CHSY1: variants seen among roughly 807,000 people sequenced by gnomAD.
The protein encoded by CHSY1 is chondroitin sulfate synthase 1.
Under a neutral mutation model 59.8 loss-of-function variants are expected in CHSY1, and 13 were observed. That is an observed-to-expected ratio of 0.22 (90% confidence interval 0.14 to 0.35). CHSY1 has a LOEUF of 0.35. Ranked by LOEUF, CHSY1 falls within the 10% of genes least tolerant of loss-of-function variation. CHSY1 has a pLI of 1.00. For synonymous variants in CHSY1, 459 were observed against 401.2 expected (o/e 1.14, Z -1.72); for missense variants, 947 against 1,030.6 (o/e 0.92, Z 1.11).
chr15:101,216,814 A>G (rs978760214), intron 2 of CHSY1, among the ~76,000 whole-genome samples: 2 of 152,248 alleles, frequency 1.3e-5, no homozygotes, highest in African/African-American at 4.8e-5. Flanking sequence ...TGGTGGACAC[A>G]TAACACTGCA....
At chr15:101,205,893 A>G (rs547568405) in intron 2 of CHSY1, among the ~76,000 whole-genome samples, 7 of 152,042 alleles carry the variant, frequency 4.6e-5, no homozygotes, top group Non-Finnish European at 8.8e-5. Context: ...CGGAGCTTGC[A>G]GTGAGCCGAG....
chr15:101,206,721 G>T (rs1051416749), intron 2 of CHSY1, among the ~76,000 whole-genome samples: 2 of 152,326 alleles, frequency 1.3e-5, no homozygotes, highest in Admixed American at 1.3e-4. Flanking sequence ...ATGTAGGTTT[G>T]TCATTTTATT....
At chr15:101,191,052 A>G (rs989121159) in intron 2 of CHSY1, among the ~76,000 whole-genome samples, 1 of 152,194 alleles carries the variant, frequency 6.6e-6, no homozygotes, top group Admixed American at 6.5e-5. Flanking sequence ...AGGATCCAAC[A>G]AGTGAGCTCC....
At chr15:101,235,709 TC>T (rs2038934651) in intron 1 of CHSY1, 132 bp from the exon 2 acceptor site, 2 of 977,030 alleles carry the variant, frequency 2.0e-6, no homozygotes, top group Non-Finnish European at 1.5e-6. Context: ...GCTTGGTTCC[TC>T]TTAACGAAAG....
intron 2 of CHSY1, among the ~76,000 whole-genome samples, chr15:101,212,745 G>A (rs747386921): frequency 1.3e-5 from 2 of 152,120 alleles, no homozygotes; most frequent in Non-Finnish European, 2.9e-5. Context: ...GCATTTTGTT[G>A]AATATAAACA....
intron 2 of CHSY1, among the ~76,000 whole-genome samples, chr15:101,184,854 G>A (rs545053081): frequency 3.9e-5 from 6 of 152,202 alleles, no homozygotes; most frequent in African/African-American, 7.2e-5. Flanking sequence ...ATGTTGCTAC[G>A]GTATATAAAC....
In CHSY1 at chr15:101,177,312, C is replaced by A. The variant is rs1214628533; in HGVS notation, c.*76G>T. The A allele has an allele frequency of 2.7e-6, 4 of 1,458,790 alleles. No individual in the cohort carries two copies. The African/African-American group carries it at 5.8e-5, about 21-fold the overall frequency. The allele number at this position is 1,458,790 out of a possible 1,614,324, so 90.4% of individuals were successfully genotyped here. A position where few individuals can be genotyped will look rare whatever the true frequency, so the allele number is the denominator to read the frequency against. ...AAAATATATCCTTGTATACGGACTT[C>A]AAAAACTGATCATACAAAAAATTTT... On this transcript the variant is annotated 3_prime_UTR_variant, in exon 3 of 3. Transcript: ENST00000254190.
intron 2 of CHSY1, among the ~76,000 whole-genome samples, chr15:101,228,378 C>G (rs1160968868): frequency 6.6e-6 from 1 of 152,044 alleles, no homozygotes; most frequent in Non-Finnish European, 1.5e-5. Context: ...CCAAGAGACA[C>G]AACAAACTCC....
chr15:101,212,940 T>C (rs1197848796), intron 2 of CHSY1, among the ~76,000 whole-genome samples: 1 of 152,178 alleles, frequency 6.6e-6, no homozygotes, highest in Admixed American at 6.5e-5. Flanking sequence ...GTGGTAAGTA[T>C]ATAAATACTG....
intron 2 of CHSY1, among the ~76,000 whole-genome samples, chr15:101,181,469 C>T (rs550462193): frequency 3.9e-5 from 6 of 152,336 alleles, no homozygotes; most frequent in African/African-American, 1.4e-4. Flanking sequence ...TTAATTTGGC[C>T]TTACAAGCTG....
At chr15:101,240,401 G>A (rs575019441) in intron 1 of CHSY1, among the ~76,000 whole-genome samples, 17 of 152,298 alleles carry the variant, frequency 1.1e-4, no homozygotes, top group African/African-American at 3.1e-4. Context: ...ATAAGCAAAC[G>A]TCAGCTTTGC....
At chr15:101,195,409 T>C (rs1306447413) in intron 2 of CHSY1, among the ~76,000 whole-genome samples, 1 of 152,152 alleles carries the variant, frequency 6.6e-6, no homozygotes, top group Non-Finnish European at 1.5e-5. Context: ...AAAAGAGACA[T>C]GAAAATTATA....
At chr15:101,247,007 G>A (rs771672842) in intron 1 of CHSY1, among the ~76,000 whole-genome samples, 21 of 152,138 alleles carry the variant, frequency 1.4e-4, no homozygotes, top group South Asian at 4.1e-4. Flanking sequence ...ATTTTAAAGC[G>A]AAATTACCTA....
Position 101,176,244 on chromosome 15 carries a change from T to C in CHSY1, c.*1144A>G. 1 of 398,438 alleles carries C rather than the reference T, an allele frequency of 2.5e-6. No individual in the cohort carries two copies. The highest frequency in any genetic ancestry group is 2.1e-5 in the African/African-American group (1 of 48,694). 24.7% of individuals were successfully genotyped at this position (398,438 alleles called of 1,614,324 possible). ...ACAGATATTAAATAAATTAAAGGTA[T>C]TTCAGATACAAAGGATAAAACAAAA... On this transcript the variant is annotated 3_prime_UTR_variant, in exon 3 of 3. Transcript: ENST00000254190.
intron 2 of CHSY1, among the ~76,000 whole-genome samples, chr15:101,221,872 T>C (rs568136346): frequency 1.1e-4 from 16 of 142,198 alleles, no homozygotes; most frequent in Non-Finnish European, 2.0e-4. Flanking sequence ...TCCAAGAAAA[T>C]AGCTTTGTAC....
chr15:101,178,391 C>T lies in CHSY1; in HGVS notation c.1406G>A (p.Arg469Lys). The T allele has an allele frequency of 1.2e-6, 2 of 1,611,516 alleles. No homozygotes were observed. Among genetic ancestry groups the T allele is most frequent in the South Asian group, 2.2e-5 (2 of 91,056 alleles). Residue 469 changes from arginine (R) to lysine (K), a missense_variant, in exon 3 of 3, where the codon AGG (arginine) becomes AAG (lysine). Around this residue, in one of 4 missense-constraint regions of CHSY1, gnomAD observed 602 missense variants for 676.9 expected, o/e 0.89. Transcript: ENST00000254190. ...KGKKMTVPVR[R>K]HAYLQQTFSK... Reference sequence around the variant, plus strand: ...GAAAGTCTGCTGTAAATACGCGTGCCTCCTCACAGGGACCGTCATTTTCTT... The same window carrying T: ...GAAAGTCTGCTGTAAATACGCGTGCTTCCTCACAGGGACCGTCATTTTCTT...
rs139963248 is a variant in CHSY1 at position 101,249,841 on chromosome 15, G to A, written c.320+1296C>T. ...GCATTAGTCTGTATTTACAATACCTGCATTCTAAGCTTTTCAAGCCACTCA... is the reference window on the plus strand; with the variant it reads ...GCATTAGTCTGTATTTACAATACCTACATTCTAAGCTTTTCAAGCCACTCA... On this transcript the variant is annotated intron_variant, in intron 1 of 2. Coordinates refer to ENST00000254190, the MANE Select transcript of CHSY1 (RefSeq NM_014918.5). Among the ~76,000 whole-genome samples the A allele has an allele frequency of 3.6e-3, 547 of 152,314 alleles. 2 individuals are homozygous for A. The highest frequency in any genetic ancestry group is 0.013 in the African/African-American group (525 of 41,560).
chr15:101,246,351 T>C, intron 1 of CHSY1, among the ~76,000 whole-genome samples: 1 of 83,196 alleles, frequency 1.2e-5, no homozygotes, highest in Non-Finnish European at 2.2e-5. Context: ...GCAAAATACG[T>C]GTGGCTTTTT....
intron 1 of CHSY1, among the ~76,000 whole-genome samples, chr15:101,250,609 A>C (rs1169713069): frequency 6.6e-6 from 1 of 152,242 alleles, no homozygotes; most frequent in Non-Finnish European, 1.5e-5. Context: ...GGTGTGGTCC[A>C]ATATGCTGCG....
Sources: gnomAD v4.1 joint callset for allele counts (sites outside exome capture counted in the v4.1 genomes callset) on GRCh38, gnomAD v4.1.1 for gene constraint, gnomAD v4.1.1 regional missense constraint, MANE v1.5 for transcripts, NCBI Gene and HGNC (gene_info 2026-07-23, HGNC 2026-07-21) for gene names.